Variants in SLC35D2 observed in about 807,000 individuals in gnomAD.
The protein encoded by SLC35D2 is solute carrier family 35 member D2, also known as nucleotide sugar transporter SLC35D2.
A neutral mutation model predicts 41.8 loss-of-function variants in SLC35D2; 43 were observed. The observed-to-expected ratio is 1.03, with a 90% CI of 0.81 to 1.33. The LOEUF (loss-of-function observed/expected upper bound fraction) is 1.33, where lower values mean the gene tolerates loss of function less well. SLC35D2 is among the 40% of genes most tolerant of loss of function. SLC35D2 has a pLI of 0.00. For synonymous variants in SLC35D2, 150 were observed against 163.9 expected, an observed-to-expected ratio of 0.92 and a Z score of 0.65; for missense variants, 380 against 408.4, an observed-to-expected ratio of 0.93 and a Z score of 0.60.
chr9:96,340,597 G>A (rs1209056482), intron 8 of SLC35D2, among the ~76,000 whole-genome samples: 1 of 122,656 alleles, frequency 8.2e-6, no homozygotes, highest in East Asian at 2.3e-4. Flanking sequence ...TCTAGCCTGG[G>A]CAACAGAGGG....
intron 5 of SLC35D2, among the ~76,000 whole-genome samples, chr9:96,351,683 T>C (rs981073940): frequency 1.3e-5 from 2 of 152,174 alleles, no homozygotes; most frequent in Non-Finnish European, 2.9e-5. Context: ...ATATCCCTCA[T>C]ACCCTGCACA....
At chr9:96,362,905 C>T (rs1221932492) in intron 3 of SLC35D2, among the ~76,000 whole-genome samples, 1 of 148,230 alleles carries the variant, frequency 6.7e-6, no homozygotes, top group Non-Finnish European at 1.5e-5. Context: ...CTCACTCTGT[C>T]GCCCAGGCTG....
At chr9:96,366,087 G>A (rs1022171396) in intron 2 of SLC35D2, among the ~76,000 whole-genome samples, 1 of 152,088 alleles carries the variant, frequency 6.6e-6, no homozygotes, top group African/African-American at 2.4e-5. Context: ...CAGATCGCTT[G>A]AGCCCAGAAG....
chr9:96,333,156 CA>C (rs2130868567), intron 9 of SLC35D2, among the ~76,000 whole-genome samples: 1 of 151,606 alleles, frequency 6.6e-6, no homozygotes, highest in South Asian at 2.1e-4. Flanking sequence ...CTCAGCCTCC[CA>C]AAGTGCTGGG....
At chr9:96,325,806 C>T (rs1041494891) in intron 9 of SLC35D2, among the ~76,000 whole-genome samples, 1 of 152,158 alleles carries the variant, frequency 6.6e-6, no homozygotes, top group Non-Finnish European at 1.5e-5. Flanking sequence ...TTATTTAATT[C>T]TAGAATCCTG....
intron 1 of SLC35D2, among the ~76,000 whole-genome samples, chr9:96,370,869 T>G (rs574400566): frequency 6.6e-6 from 1 of 151,798 alleles, no homozygotes; most frequent in South Asian, 2.1e-4. Context: ...TCAAAGGAGA[T>G]TAAAAGAAAG....
intron 1 of SLC35D2, among the ~76,000 whole-genome samples, chr9:96,373,582 G>A (rs994960482): frequency 1.3e-5 from 2 of 151,722 alleles, no homozygotes; most frequent in African/African-American, 4.8e-5. Flanking sequence ...AGCTACTCGG[G>A]AGGCTGAGGC....
intron 4 of SLC35D2, among the ~76,000 whole-genome samples, chr9:96,352,492 T>C (rs1829851112): frequency 6.6e-6 from 1 of 151,956 alleles, no homozygotes; most frequent in Admixed American, 6.6e-5. Flanking sequence ...CGGCTAATTT[T>C]TGTATTTTCA....
intron 9 of SLC35D2, among the ~76,000 whole-genome samples, chr9:96,333,424 G>A (rs1333121299): frequency 6.6e-5 from 10 of 150,698 alleles, no homozygotes; most frequent in Admixed American, 3.3e-4. Context: ...GTGAAACCCC[G>A]TCTCTACTAA....
At chr9:96,382,204 A>G (rs12346799) in intron 1 of SLC35D2, among the ~76,000 whole-genome samples, 2,852 of 151,982 alleles carry the variant, frequency 0.019, 36 homozygotes, top group Non-Finnish European at 0.032. Context: ...AGGCTGGATG[A>G]GATAGTTTGC....
At chr9:96,337,544 T>A (rs955948823) in intron 8 of SLC35D2, among the ~76,000 whole-genome samples, 1 of 152,032 alleles carries the variant, frequency 6.6e-6, no homozygotes, top group African/African-American at 2.4e-5. Flanking sequence ...ATTAATAATG[T>A]AGGCAAGAAA....
intron 7 of SLC35D2, among the ~76,000 whole-genome samples, chr9:96,344,644 C>T (rs1299248473): frequency 1.4e-5 from 2 of 146,170 alleles, no homozygotes; most frequent in East Asian, 4.1e-4. Context: ...ACTCCCTCAT[C>T]CAGCACAAAG....
intron 8 of SLC35D2, among the ~76,000 whole-genome samples, chr9:96,337,602 G>T (rs756021068): frequency 1.3e-5 from 2 of 152,176 alleles, no homozygotes; most frequent in Non-Finnish European, 2.9e-5. Context: ...TGCTTAGGAA[G>T]TATTGTGAAC....
rs565564607 is a variant in SLC35D2, at chr9:96,371,116, A to G, written c.159-2811T>C. Among the ~76,000 whole-genome samples the G allele has an allele frequency of 3.3e-5, 5 of 152,318 alleles. No individual in the cohort carries two copies. In the East Asian group the frequency reaches 9.6e-4, roughly 29 times the overall value. On this transcript the variant is annotated intron_variant, in intron 1 of 11. Transcript: ENST00000253270. ...CCTGGAATTTAGAAGACTATATTCC[A>G]TAACTTTATATTGAATTCCATTCTA...
chr9:96,320,662 A>C (rs1300880734), downstream of SLC35D2: 1 of 152,120 alleles, frequency 6.6e-6, no homozygotes, highest in East Asian at 1.9e-4. Flanking sequence ...ATTGTGAATG[A>C]TGGGCACCGT....
At chr9:96,360,339 A>C in intron 3 of SLC35D2, 118 bp from the exon 4 acceptor site, 1 of 857,020 alleles carries the variant, frequency 1.2e-6, no homozygotes, top group Admixed American at 2.3e-5. Context: ...GGCATTAAAA[A>C]AATGATTTTG....
chr9:96,358,105 T>TATATATATATATATATATATATATAC (rs546410635), intron 4 of SLC35D2, among the ~76,000 whole-genome samples: 2 of 143,524 alleles, frequency 1.4e-5, no homozygotes, highest in Non-Finnish European at 3.0e-5. Context: ...TATATATATA[T>TATATATATATATATATATATATATAC]ATACCTGCAA....
intron 1 of SLC35D2, among the ~76,000 whole-genome samples, chr9:96,372,928 G>A (rs1270314308): frequency 1.4e-5 from 2 of 147,528 alleles, no homozygotes; most frequent in African/African-American, 5.0e-5. Flanking sequence ...TTGAGACAGA[G>A]TTTCGCTCTT....
At chr9:96,352,620 G>A (rs1194780407) in intron 4 of SLC35D2, among the ~76,000 whole-genome samples, 1 of 152,062 alleles carries the variant, frequency 6.6e-6, no homozygotes, top group Non-Finnish European at 1.5e-5. Context: ...CCGCACCTGG[G>A]CTTCACTTGG....
Sources: allele counts gnomAD v4.1 joint callset (sites outside exome capture counted in the v4.1 genomes callset), GRCh38; gene constraint gnomAD v4.1.1; transcripts MANE v1.5; gene names NCBI Gene and HGNC (gene_info 2026-07-23, HGNC 2026-07-21).